The following TUT1 variants were observed in gnomAD, a reference collection of about 807,000 sequenced individuals.
TUT1 encodes the protein speckle targeted PIP5K1A-regulated poly(A) polymerase.
Under a neutral mutation model 48.8 loss-of-function variants are expected in TUT1, and 26 were observed. The observed-to-expected ratio is 0.53, with a 90% CI of 0.39 to 0.74. The LOEUF (loss-of-function observed/expected upper bound fraction) is 0.74. Among genes scored for constraint, TUT1 ranks in the 30% least tolerant of loss-of-function variants. The pLI, the probability that TUT1 is intolerant of heterozygous loss-of-function variation, is 0.00. For synonymous variants in TUT1, 470 were observed against 460.8 expected (o/e 1.02, Z -0.26); for missense variants, 1,065 against 1,114.8 (o/e 0.96, Z 0.64).
At chr11:62,590,903 C>G (rs1942000306) in intron 1 of TUT1, among the ~76,000 whole-genome samples, 1 of 152,008 alleles carries the variant, frequency 6.6e-6, no homozygotes, top group African/African-American at 2.4e-5. Flanking sequence ...CATCTTCTGT[C>G]TCTTCCTCAC....
At chr11:62,585,360 C>T (rs1644492501) in intron 2 of TUT1, among the ~76,000 whole-genome samples, 1 of 152,184 alleles carries the variant, frequency 6.6e-6, no homozygotes, top group Admixed American at 6.6e-5. Flanking sequence ...CTTGGACCTG[C>T]CCAGGCCAGT....
intron 2 of TUT1, among the ~76,000 whole-genome samples, chr11:62,584,440 C>CTTT (rs35237248): frequency 4.6e-5 from 6 of 130,096 alleles, no homozygotes; most frequent in Admixed American, 1.6e-4. Context: ...AAATTGTATA[C>CTTT]TTTTTTTTTT....
rs1341673560 is a variant in TUT1, at chr11:62,577,396, CCAGAA to C, written c.1161-110_1161-106del. ...ATAACTGGAGCCAGCTGGAATAAGG[CCAGAA>C]CAGTTTCCCCAAATGTTGCTCACTG... On this transcript the variant is annotated intron_variant, in intron 5 of 8. Transcript: ENST00000476907. The C allele has an allele frequency of 5.1e-5, 44 of 854,742 alleles. No homozygotes were observed. The East Asian group carries it at 1.2e-3, about 23-fold the overall frequency. The allele number at this position is 854,742 out of a possible 1,614,324, so 52.9% of individuals were successfully genotyped here.
At position 62,581,444 on chromosome 11, in the gene TUT1, C is replaced by T. The variant is rs1324350236; in HGVS notation, c.531G>A (p.Arg177=). The T allele has an allele frequency of 1.2e-5, 20 of 1,613,148 alleles. No individual in the cohort carries two copies. The Admixed American group carries it at 2.7e-4, about 22-fold the overall frequency. ...VGLRELSEAE[R]QLRSLVVALM... ...GGGCCACCACTAGGCTGCGAAGCTG[C>T]CGCTCGGCCTCGGACAACTCCCTCA... Residue 177 remains arginine (R), a synonymous_variant, in exon 3 of 9, where the codon CGG becomes CGA. Coordinates refer to ENST00000476907, the MANE Select transcript of TUT1 (RefSeq NM_022830.3).
At position 62,581,382 on chromosome 11, in the gene TUT1, T is replaced by A; in HGVS notation, c.589+4A>T. 6.3e-7 allele frequency: 1 copy of A among 1,592,802 alleles called. No individual in the cohort carries two copies. Among genetic ancestry groups the A allele is most frequent in the South Asian group, 1.1e-5 (1 of 88,332 alleles). On this transcript the variant is annotated splice_donor_region_variant and intron_variant, in intron 3 of 8. Transcript: ENST00000476907. ...GCTCAGACATAGTAGGGGAGGTAAC[T>A]TACCAGGGAAGAACTCTGTGAAGAC...
chr11:62,581,010 G>T, intron 4 of TUT1, 96 bp downstream of exon 4: 2 of 873,914 alleles, frequency 2.3e-6, no homozygotes, highest in Non-Finnish European at 3.7e-6. Context: ...CATTGTAGAT[G>T]AGGAACTAAG....
chr11:62,579,057 A>G, intron 4 of TUT1, 27 bp from the exon 5 acceptor site: 1 of 1,465,722 alleles, frequency 6.8e-7, no homozygotes, highest in South Asian at 1.5e-5. Flanking sequence ...ACTGAGTGAA[A>G]TGTTTCTGCT....
chr11:62,587,574 C>T (rs1941941485), intron 2 of TUT1, among the ~76,000 whole-genome samples: 1 of 152,174 alleles, frequency 6.6e-6, no homozygotes, highest in Admixed American at 6.5e-5. Flanking sequence ...GAGCCACATA[C>T]CAATAATGGC....
intron 2 of TUT1, among the ~76,000 whole-genome samples, chr11:62,583,192 T>C (rs1428939459): frequency 6.7e-6 from 1 of 150,208 alleles, no homozygotes; most frequent in Non-Finnish European, 1.5e-5. Flanking sequence ...AAATACAAAC[T>C]CATAAACCCT....
Position 62,576,696 on chromosome 11 carries a change from C to T in TUT1, c.1435G>A (p.Ala479Thr). 6.2e-7 allele frequency: 1 copy of T among 1,614,180 alleles called. No homozygotes were observed. The highest frequency in any genetic ancestry group is 8.5e-7 in the Non-Finnish European group (1 of 1,180,036). The change falls in exon 8 of 9, where the codon GCC (alanine) becomes ACC (threonine). Residue 479 changes from alanine to threonine, a missense_variant. Physicochemically the swap from Ala to Thr is moderately conservative, Grantham distance 58 (BLOSUM62 0). Coordinates refer to ENST00000476907, the MANE Select transcript of TUT1 (RefSeq NM_022830.3). ...DGWDCSFPRD[A>T]SRLEPSINVE... ...TTTATGCTGGGCTCCAGTCTTGAGGCATCCCTGGGGAAACTGCAGTCCCAG... is the reference window on the plus strand; with the variant it reads ...TTTATGCTGGGCTCCAGTCTTGAGGTATCCCTGGGGAAACTGCAGTCCCAG...
At chr11:62,582,896 A>G (rs1288922580) in intron 2 of TUT1, among the ~76,000 whole-genome samples, 1 of 152,098 alleles carries the variant, frequency 6.6e-6, no homozygotes, top group East Asian at 1.9e-4. Context: ...TAGGAGGCCG[A>G]GGTGGGTGGA....
intron 2 of TUT1, among the ~76,000 whole-genome samples, chr11:62,582,942 C>T (rs935637283): frequency 6.6e-6 from 1 of 151,838 alleles, no homozygotes; most frequent in Non-Finnish European, 1.5e-5. Context: ...TCCTGGCTAA[C>T]ATGGTGAAAC....
At chr11:62,580,344 G>A (rs898423899) in intron 4 of TUT1, among the ~76,000 whole-genome samples, 6 of 151,230 alleles carry the variant, frequency 4.0e-5, no homozygotes, top group East Asian at 2.0e-4. Context: ...CCTGTATTCC[G>A]AGCTACTTGG....
chr11:62,576,513 T>A, intron 8 of TUT1, 144 bp downstream of exon 8: 3 of 847,208 alleles, frequency 3.5e-6, no homozygotes, highest in Non-Finnish European at 5.5e-6. Flanking sequence ...ACATGGTTTC[T>A]TCATCTGTAA....
rs1234514729 is a variant in TUT1 at position 62,591,514 on chromosome 11, A to C, written c.-29T>G. On this transcript the variant is annotated 5_prime_UTR_variant, in exon 1 of 9. Coordinates refer to ENST00000476907, the MANE Select transcript of TUT1 (RefSeq NM_022830.3). ...GACTCTCCTGTACCGACAAAAACAC[A>C]AGCACCTCTGCCACCACCGGAACCC... 1.9e-6 allele frequency: 3 copies of C among 1,613,740 alleles called. No individual in the cohort carries two copies. The highest frequency in any genetic ancestry group is 1.6e-4 in the Middle Eastern group (1 of 6,062).
chr11:62,578,052 T>A (rs1941758437), intron 5 of TUT1, among the ~76,000 whole-genome samples: 1 of 112,750 alleles, frequency 8.9e-6, no homozygotes. Context: ...CAAGAGTAAA[T>A]CTCCGTCTCA....
Position 62,575,081 on chromosome 11 carries a change from AG to A in TUT1, c.*12del, listed in dbSNP as rs1565264335. On this transcript the variant is annotated 3_prime_UTR_variant, in exon 9 of 9. Transcript: ENST00000476907. Reference sequence around the variant, plus strand: ...TAAACTAGCAGCTTTATTGCCCTTCAGGGGCCATGTCTTCACTTGAGATGTC... The same window carrying A: ...TAAACTAGCAGCTTTATTGCCCTTCAGGGCCATGTCTTCACTTGAGATGTC... 5 of 1,552,920 alleles carry A rather than the reference AG, an allele frequency of 3.2e-6. No homozygotes were observed. The African/African-American group carries it at 6.9e-5, about 21-fold the overall frequency.
intron 2 of TUT1, among the ~76,000 whole-genome samples, chr11:62,585,466 G>A (rs982359064): frequency 6.6e-6 from 1 of 152,140 alleles, no homozygotes; most frequent in Non-Finnish European, 1.5e-5. Context: ...TCTTTCACTG[G>A]GCCTGTCTGT....
intron 2 of TUT1, among the ~76,000 whole-genome samples, chr11:62,587,105 AAAAAAAGGAAAAAG>A (rs1383503298): frequency 7.9e-5 from 12 of 151,306 alleles, no homozygotes; most frequent in Non-Finnish European, 1.5e-4. Flanking sequence ...AAAAAAAAAA[AAAAAAAGGAAAAAG>A]AAAAGGCATT....
Sources: gnomAD v4.1 joint callset for allele counts (sites outside exome capture counted in the v4.1 genomes callset) on GRCh38, gnomAD v4.1.1 for gene constraint, MANE v1.5 for transcripts, NCBI Gene and HGNC (gene_info 2026-07-23, HGNC 2026-07-21) for gene names.